The following COX6C variants were observed in gnomAD, a reference collection of about 807,000 sequenced individuals.
The protein encoded by COX6C is cytochrome c oxidase subunit 6C.
Under a neutral mutation model 6.9 loss-of-function variants are expected in COX6C, and 3 were observed. The observed-to-expected ratio is 0.43, with a 90% CI of 0.20 to 1.12. The LOEUF is 1.12. COX6C is among the 50% of genes most tolerant of loss of function. COX6C has a pLI of 0.27. For synonymous variants in COX6C, 32 were observed against 32.0 expected, an observed-to-expected ratio of 1.00 and a Z score of 0.00; for missense variants, 101 against 97.3, an observed-to-expected ratio of 1.04 and a Z score of -0.16.
chr8:99,885,930 C>A (rs1041887900), intron 3 of COX6C: 3 of 152,004 alleles, frequency 2.0e-5, no homozygotes, highest in African/African-American at 4.8e-5. Flanking sequence ...AAACAAAAAA[C>A]CAAATTTGAA....
At chr8:99,879,363 CTTT>C (rs869285636) in intron 3 of COX6C, among the ~76,000 whole-genome samples, 1 of 147,126 alleles carries the variant, frequency 6.8e-6, no homozygotes, top group Admixed American at 6.6e-5. Flanking sequence ...GTCCCAAATA[CTTT>C]TTTTTAAAAA....
At chr8:99,889,942 A>C (rs1299179239) in intron 2 of COX6C, among the ~76,000 whole-genome samples, 2 of 151,806 alleles carry the variant, frequency 1.3e-5, no homozygotes, top group Non-Finnish European at 2.9e-5. Flanking sequence ...AATACACAAA[A>C]AATTAGCCGG....
At position 99,888,372 on chromosome 8, in the gene COX6C, A is replaced by C. The variant is rs1292014832; in HGVS notation, c.115-754T>G. On this transcript the variant is annotated intron_variant, in intron 2 of 3. Coordinates refer to ENST00000520468, the MANE Select transcript of COX6C (RefSeq NM_004374.4). ...CGAATCACAAGGTCAGGAATTGGAG[A>C]CCAGCCTGGCCAACATGATGAAACC... Among the ~76,000 whole-genome samples the C allele has an allele frequency of 2.0e-5, 3 of 152,020 alleles. No homozygotes were observed. In the East Asian group the frequency reaches 5.8e-4, roughly 29 times the overall value.
intron 1 of COX6C, among the ~76,000 whole-genome samples, chr8:99,892,837 C>T (rs1366452785): frequency 6.6e-6 from 1 of 152,226 alleles, no homozygotes; most frequent in Non-Finnish European, 1.5e-5. Context: ...CCCATTTATG[C>T]AACACTTTCT....
chr8:99,878,987 G>A (rs1817808045), intron 3 of COX6C, among the ~76,000 whole-genome samples: 2 of 152,128 alleles, frequency 1.3e-5, no homozygotes, highest in Non-Finnish European at 2.9e-5. Flanking sequence ...TATATGTAGT[G>A]CAACTGAAAT....
chr8:99,889,845 CT>C (rs1181902382), intron 2 of COX6C, among the ~76,000 whole-genome samples: 1 of 151,366 alleles, frequency 6.6e-6, no homozygotes, highest in African/African-American at 2.4e-5. Context: ...AATCCCAGCA[CT>C]TTGGGAGGCC....
At position 99,877,881 on chromosome 8, in the gene COX6C, A is replaced by G. The variant is rs1817773095; in HGVS notation, c.*400T>C. 6.6e-6 allele frequency: 1 copy of G among 152,148 alleles called. No homozygotes were observed. Among genetic ancestry groups the G allele is most frequent in the South Asian group, 2.1e-4 (1 of 4,830 alleles). The allele number at this position is 152,148 out of a possible 1,614,324, so 9.4% of individuals were successfully genotyped here. Reference sequence around the variant, plus strand: ...TAGTGGCAATGAAGGCCAAGGATAGATTTTATTAGGATTCTATCTCTTCTT... The same window carrying G: ...TAGTGGCAATGAAGGCCAAGGATAGGTTTTATTAGGATTCTATCTCTTCTT... On this transcript the variant is annotated 3_prime_UTR_variant, in exon 4 of 4. Coordinates refer to ENST00000520468, the MANE Select transcript of COX6C (RefSeq NM_004374.4).
intron 2 of COX6C, 126 bp downstream of exon 2, chr8:99,891,782 T>TCACA: frequency 1.3e-6 from 1 of 794,316 alleles, no homozygotes; most frequent in Admixed American, 2.1e-5. Context: ...ATAGTTCCTG[T>TCACA]CACACTGAGG....
intron 2 of COX6C, among the ~76,000 whole-genome samples, chr8:99,888,160 T>C (rs1020051008): frequency 1.2e-3 from 179 of 151,594 alleles, no homozygotes; most frequent in African/African-American, 3.7e-3. Flanking sequence ...GGGGTCTCCC[T>C]CTGCAGAAAT....
intron 3 of COX6C, among the ~76,000 whole-genome samples, chr8:99,881,951 A>G (rs1208706038): frequency 6.6e-6 from 1 of 152,228 alleles, no homozygotes; most frequent in Admixed American, 6.5e-5. Context: ...GCTACACTAA[A>G]TCAGACAAAA....
chr8:99,881,431 TAAG>T (rs2131002261), intron 3 of COX6C, among the ~76,000 whole-genome samples: 1 of 151,688 alleles, frequency 6.6e-6, no homozygotes, highest in South Asian at 2.1e-4. Context: ...GACAAAAGCA[TAAG>T]AAGTAACTAT....
intron 2 of COX6C, among the ~76,000 whole-genome samples, chr8:99,891,103 T>G (rs1375589484): frequency 6.6e-6 from 1 of 152,256 alleles, no homozygotes; most frequent in Non-Finnish European, 1.5e-5. Context: ...GCTTCTGTAA[T>G]GGGTTGAATT....
chr8:99,887,360 G>A, intron 3 of COX6C, 130 bp downstream of exon 3: 2 of 488,106 alleles, frequency 4.1e-6, no homozygotes, highest in Admixed American at 8.1e-5. Context: ...TCTACCAAAT[G>A]TGTATCACTT....
chr8:99,887,599 CT>C lies in COX6C; in HGVS notation c.133del (p.Arg45GlufsTer15). On this transcript the variant is annotated frameshift_variant, in exon 3 of 4. Coordinates refer to ENST00000520468, the MANE Select transcript of COX6C (RefSeq NM_004374.4). LOFTEE classifies it high-confidence loss of function. ...ALYKFRVADQ[R>X]KKAYADFYRN... ...GTAGAAATCTGCGTATGCCTTCTTT[CT>C]TTGATCAGCCACACGAAACTAAAAA... The C allele has an allele frequency of 2.5e-6, 4 of 1,601,338 alleles. No homozygotes were observed. The highest frequency in any genetic ancestry group is 3.4e-6 in the Non-Finnish European group (4 of 1,176,736).
At chr8:99,879,046 T>A (rs958758259) in intron 3 of COX6C, among the ~76,000 whole-genome samples, 4 of 152,352 alleles carry the variant, frequency 2.6e-5, no homozygotes, top group African/African-American at 9.6e-5. Context: ...ACATTCTCTG[T>A]GTCACAGCAA....
At chr8:99,892,367 A>C (rs568354091) in intron 1 of COX6C, among the ~76,000 whole-genome samples, 57 of 152,236 alleles carry the variant, frequency 3.7e-4, no homozygotes, top group African/African-American at 1.3e-3. Context: ...AAAATAACAT[A>C]AGCTATTGAC....
intron 3 of COX6C, among the ~76,000 whole-genome samples, chr8:99,882,106 T>C (rs896783111): frequency 2.0e-5 from 3 of 152,026 alleles, no homozygotes; most frequent in African/African-American, 7.3e-5. Context: ...ACTGACAGAA[T>C]TGAAGGGAGA....
At chr8:99,887,903 A>C (rs1336202331) in intron 2 of COX6C, among the ~76,000 whole-genome samples, 1 of 152,104 alleles carries the variant, frequency 6.6e-6, no homozygotes, top group Non-Finnish European at 1.5e-5. Context: ...GAAAAAATGA[A>C]GATTCAAGAC....
At chr8:99,888,513 G>A (rs7003523) in intron 2 of COX6C, among the ~76,000 whole-genome samples, 152,273 of 152,282 alleles carry the variant, frequency 1, 76,132 homozygotes, top group Middle Eastern at 1. Flanking sequence ...CTCGGAGGGT[G>A]CAGTGAGCCG....
Sources: gnomAD v4.1 joint callset for allele counts (sites outside exome capture counted in the v4.1 genomes callset) on GRCh38, gnomAD v4.1.1 for gene constraint, MANE v1.5 for transcripts, NCBI Gene and HGNC (gene_info 2026-07-23, HGNC 2026-07-21) for gene names.